MECOM: variants seen among roughly 807,000 people sequenced by gnomAD.
MECOM encodes the protein histone-lysine N-methyltransferase MECOM.
A neutral mutation model predicts 116.3 loss-of-function variants in MECOM; 13 were observed. The observed-to-expected ratio is 0.11, with a 90% confidence interval of 0.07 to 0.18. The LOEUF is 0.18. Ranked by LOEUF, MECOM falls within the 10% of genes least tolerant of loss-of-function variation. MECOM has a pLI of 1.00. For missense variants in MECOM, 1,299 were observed against 1,509.0 expected, an observed-to-expected ratio of 0.86 and a Z score of 2.31; for synonymous variants, 528 against 535.2, an observed-to-expected ratio of 0.99 and a Z score of 0.19.
In MECOM at chr3:169,662,643, C is replaced by T. The variant is rs547012423; in HGVS notation, c.37+693G>A. Among the ~76,000 whole-genome samples, 1,042 of 151,006 alleles carry T rather than the reference C, an allele frequency of 6.9e-3. 12 individuals are homozygous for T. Among genetic ancestry groups the T allele is most frequent in the African/African-American group, 0.024 (999 of 41,160 alleles). ...ACTCCCCGCCGCAGTCCTCCCGCCG[C>T]GCAGCGCCGCGCCGGAGAGCATGGC... On this transcript the variant is annotated intron_variant, in intron 1 of 16. Coordinates refer to ENST00000651503, the MANE Select transcript of MECOM (RefSeq NM_004991.4).
At chr3:169,606,399 T>C (rs1375383880) in intron 1 of MECOM, among the ~76,000 whole-genome samples, 65 of 146,180 alleles carry the variant, frequency 4.4e-4, no homozygotes, top group Non-Finnish European at 2.7e-4. Flanking sequence ...ACAGGGCAAG[T>C]CTTCGTCTCA....
chr3:169,610,055 G>T (rs749014494), intron 1 of MECOM, among the ~76,000 whole-genome samples: 42 of 150,618 alleles, frequency 2.8e-4, no homozygotes, highest in Non-Finnish European at 4.9e-4. Flanking sequence ...TGAACCCTTG[G>T]AATACTTTAT....
intron 2 of MECOM, among the ~76,000 whole-genome samples, chr3:169,229,036 C>T (rs1024765825): frequency 6.6e-6 from 1 of 152,182 alleles, no homozygotes; most frequent in Admixed American, 6.5e-5. Context: ...ATGGCCCAAG[C>T]TTTTCACACT....
At chr3:169,466,356 G>T (rs942112593) in intron 1 of MECOM, among the ~76,000 whole-genome samples, 2 of 152,188 alleles carry the variant, frequency 1.3e-5, no homozygotes, top group Non-Finnish European at 2.9e-5. Flanking sequence ...CCCAGTGAAG[G>T]CTCTGCGCTG....
intron 2 of MECOM, among the ~76,000 whole-genome samples, chr3:169,359,021 T>A: frequency 6.6e-6 from 1 of 151,872 alleles, no homozygotes; most frequent in East Asian, 2.0e-4. Flanking sequence ...CCAACTCTAC[T>A]AAATCTATTC....
At chr3:169,337,422 T>C (rs1361179198) in intron 2 of MECOM, among the ~76,000 whole-genome samples, 1 of 152,150 alleles carries the variant, frequency 6.6e-6, no homozygotes, top group Non-Finnish European at 1.5e-5. Flanking sequence ...CCGACACGCA[T>C]CCTTTTGTCA....
intron 1 of MECOM, among the ~76,000 whole-genome samples, chr3:169,633,717 C>T (rs980309831): frequency 6.6e-6 from 1 of 151,992 alleles, no homozygotes; most frequent in Non-Finnish European, 1.5e-5. Context: ...CTGGTCTCAT[C>T]GTGCCTTGGG....
chr3:169,651,845 A>T (rs1410709470), intron 1 of MECOM, among the ~76,000 whole-genome samples: 1 of 152,226 alleles, frequency 6.6e-6, no homozygotes, highest in African/African-American at 2.4e-5. Context: ...TGTATGTGCT[A>T]ATATATGCAT....
intron 2 of MECOM, among the ~76,000 whole-genome samples, chr3:169,353,658 A>T (rs1726767624): frequency 6.6e-6 from 1 of 151,864 alleles, no homozygotes; most frequent in Admixed American, 6.6e-5. Flanking sequence ...AGAGGGAAAT[A>T]ATTTTAAAAT....
At chr3:169,582,797 T>C (rs920194077) in intron 1 of MECOM, among the ~76,000 whole-genome samples, 7 of 152,206 alleles carry the variant, frequency 4.6e-5, no homozygotes, top group Admixed American at 3.9e-4. Context: ...ATTGTACAAG[T>C]TCCTTCCTAG....
chr3:169,124,480 T>C (rs1274816583), intron 5 of MECOM, among the ~76,000 whole-genome samples: 3 of 152,112 alleles, frequency 2.0e-5, no homozygotes, highest in Non-Finnish European at 4.4e-5. Context: ...ATGTGGACTT[T>C]ATTTTGATCT....
At chr3:169,360,290 T>TA (rs1203615730) in intron 2 of MECOM, among the ~76,000 whole-genome samples, 4,801 of 29,492 alleles carry the variant, frequency 0.16, 259 homozygotes, top group African/African-American at 0.22. Flanking sequence ...TAAAGTATAA[T>TA]AAAAAAAAAA....
chr3:169,380,349 T>C (rs746371846), intron 2 of MECOM, among the ~76,000 whole-genome samples: 3 of 152,102 alleles, frequency 2.0e-5, no homozygotes, highest in Admixed American at 1.3e-4. Context: ...TATGATGTAA[T>C]GATTCAAGCA....
At chr3:169,121,796 G>A (rs986035079) in intron 6 of MECOM, among the ~76,000 whole-genome samples, 1 of 151,506 alleles carries the variant, frequency 6.6e-6, no homozygotes, top group African/African-American at 2.4e-5. Context: ...TAATTTTTAT[G>A]AGAAAAAAAC....
At chr3:169,594,174 A>AAAAACC (rs1255613781) in intron 1 of MECOM, among the ~76,000 whole-genome samples, 10 of 125,934 alleles carry the variant, frequency 7.9e-5, no homozygotes, top group African/African-American at 3.2e-4. Flanking sequence ...AAAAAAAAAA[A>AAAAACC]AACACCTTTT....
chr3:169,302,194 G>T (rs1456282447), intron 2 of MECOM, among the ~76,000 whole-genome samples: 1 of 152,180 alleles, frequency 6.6e-6, no homozygotes, highest in East Asian at 1.9e-4. Context: ...GACAAGTAGA[G>T]AAAAGGAAGA....
chr3:169,212,511 C>T (rs1341569794), intron 2 of MECOM, among the ~76,000 whole-genome samples: 1 of 150,286 alleles, frequency 6.7e-6, no homozygotes, highest in Non-Finnish European at 1.5e-5. Flanking sequence ...TGACTACTTG[C>T]CCTGTCTTTT....
chr3:169,484,123 CA>C lies in MECOM; in HGVS notation c.38-102600del, dbSNP rs997843903. On this transcript the variant is annotated intron_variant, in intron 1 of 16. Coordinates refer to ENST00000651503, the MANE Select transcript of MECOM (RefSeq NM_004991.4). ...GTTATATTTCAATTTCTCTAGTAAA[CA>C]AAAAGTGATTCTTTTTATCTCACAA... 2.1e-5 allele frequency: 16 copies of C among 778,092 alleles called. No individual in the cohort carries two copies. The African/African-American group carries it at 2.3e-4, about 11-fold the overall frequency. 48.2% of individuals were successfully genotyped at this position (778,092 alleles called of 1,614,324 possible).
At chr3:169,163,967 A>T (rs1442632389) in intron 2 of MECOM, among the ~76,000 whole-genome samples, 5 of 152,218 alleles carry the variant, frequency 3.3e-5, no homozygotes, top group African/African-American at 1.2e-4. Context: ...AATGGAGGCC[A>T]GCGAAGCAAC....
Sources: allele counts gnomAD v4.1 joint callset (sites outside exome capture counted in the v4.1 genomes callset), GRCh38; gene constraint gnomAD v4.1.1; transcripts MANE v1.5; gene names NCBI Gene and HGNC (gene_info 2026-07-23, HGNC 2026-07-21).